UXS1: variants seen among roughly 807,000 people sequenced by gnomAD.
UXS1 encodes the protein UDP-glucuronate decarboxylase 1.
Under a neutral mutation model 62.6 loss-of-function variants are expected in UXS1, and 33 were observed. The observed-to-expected ratio is 0.53, with a 90% CI of 0.40 to 0.70. UXS1 has a LOEUF of 0.70. UXS1 is among the 30% of genes least tolerant of loss of function. The pLI is 0.00. For synonymous variants in UXS1, 213 were observed against 206.8 expected (o/e 1.03, Z -0.26); for missense variants, 434 against 556.3 (o/e 0.78, Z 2.21).
chr2:106,144,227 CA>C (rs1681375228), intron 6 of UXS1, among the ~76,000 whole-genome samples: 1 of 152,238 alleles, frequency 6.6e-6, no homozygotes, highest in South Asian at 2.1e-4. Flanking sequence ...ACAAAAACTA[CA>C]GCTTCACTCC....
intron 1 of UXS1, among the ~76,000 whole-genome samples, chr2:106,192,321 G>A (rs1279036943): frequency 3.3e-5 from 5 of 152,178 alleles, no homozygotes; most frequent in African/African-American, 4.8e-5. Flanking sequence ...TTGGGAGGCC[G>A]AGGCAGGCGG....
At chr2:106,172,594 G>A (rs1049869214) in intron 1 of UXS1, among the ~76,000 whole-genome samples, 1 of 152,164 alleles carries the variant, frequency 6.6e-6, no homozygotes, top group African/African-American at 2.4e-5. Flanking sequence ...GTGGAGCAGT[G>A]TGGATCTGAT....
chr2:106,157,796 G>A (rs914211242), intron 5 of UXS1, among the ~76,000 whole-genome samples: 1 of 152,186 alleles, frequency 6.6e-6, no homozygotes, highest in East Asian at 1.9e-4. Context: ...CAGATTCATA[G>A]AGATAGAGAG....
chr2:106,095,934 C>T (rs1321376241), intron 14 of UXS1, among the ~76,000 whole-genome samples: 1 of 152,154 alleles, frequency 6.6e-6, no homozygotes, highest in Non-Finnish European at 1.5e-5. Flanking sequence ...AGGCTCAGCC[C>T]CAGGGAGGCA....
chr2:106,139,373 T>C (rs1026641551), intron 6 of UXS1, among the ~76,000 whole-genome samples: 13 of 152,202 alleles, frequency 8.5e-5, no homozygotes, highest in Non-Finnish European at 1.5e-4. Context: ...GGTAATCTTA[T>C]GTTGGGAAGT....
chr2:106,144,271 C>A (rs1049747826), intron 6 of UXS1, among the ~76,000 whole-genome samples: 2 of 152,174 alleles, frequency 1.3e-5, no homozygotes, highest in African/African-American at 4.8e-5. Context: ...CATAATTAAA[C>A]GTTTAAAAAT....
At position 106,131,327 on chromosome 2, in the gene UXS1, G is replaced by T. The variant is rs1444929543; in HGVS notation, c.473-1549C>A. 3.9e-4 allele frequency among the ~76,000 whole-genome samples: 29 copies of T among 73,658 alleles called. 1 individual carries two copies. Among genetic ancestry groups the T allele is most frequent in the African/African-American group, 1.0e-3 (23 of 22,526 alleles). 48.3% of individuals were successfully genotyped at this position (73,658 alleles called of 152,430 possible). A position where few individuals can be genotyped will look rare whatever the true frequency, so the allele number is the denominator to read the frequency against. On this transcript the variant is annotated intron_variant, in intron 6 of 14. Coordinates refer to ENST00000283148, the MANE Select transcript of UXS1 (RefSeq NM_001253875.2). ...ACTGCAAGGCGGCAACGAGGCTGGGGGAGGGGCGGCCGCCATTGCCCAGGC... is the reference window on the plus strand; with the variant it reads ...ACTGCAAGGCGGCAACGAGGCTGGGTGAGGGGCGGCCGCCATTGCCCAGGC...
intron 1 of UXS1, among the ~76,000 whole-genome samples, chr2:106,181,059 T>C (rs1333232206): frequency 2.4e-4 from 36 of 152,138 alleles, no homozygotes; most frequent in Admixed American, 2.0e-3. Flanking sequence ...AACGAACAGA[T>C]ACATTAAAGA....
At chr2:106,145,056 T>C (rs930984575) in intron 6 of UXS1, 134 bp downstream of exon 6, 1 of 979,966 alleles carries the variant, frequency 1.0e-6, no homozygotes, top group African/African-American at 1.6e-5. Flanking sequence ...TCATACATAT[T>C]GAGACATTTC....
chr2:106,175,177 A>G (rs1683802359), intron 1 of UXS1, among the ~76,000 whole-genome samples: 2 of 152,190 alleles, frequency 1.3e-5, no homozygotes, highest in Admixed American at 6.5e-5. Context: ...ATTTAGAGAG[A>G]CATTCAAAAT....
At chr2:106,148,270 C>T (rs1231713157) in intron 5 of UXS1, among the ~76,000 whole-genome samples, 1 of 152,234 alleles carries the variant, frequency 6.6e-6, no homozygotes, top group African/African-American at 2.4e-5. Flanking sequence ...AAAGTTGACT[C>T]ACCACTAGAG....
At chr2:106,109,810 G>A (rs1678431625) in intron 10 of UXS1, among the ~76,000 whole-genome samples, 1 of 152,224 alleles carries the variant, frequency 6.6e-6, no homozygotes, top group East Asian at 1.9e-4. Context: ...AAACACGGCT[G>A]CAAGGTAAGC....
intron 9 of UXS1, among the ~76,000 whole-genome samples, chr2:106,118,482 T>G (rs975808496): frequency 2.6e-5 from 4 of 152,190 alleles, no homozygotes; most frequent in Non-Finnish European, 5.9e-5. Flanking sequence ...CACTAAGCAC[T>G]GACCGCAGCC....
chr2:106,174,004 G>A (rs2105085359), intron 1 of UXS1, among the ~76,000 whole-genome samples: 1 of 151,092 alleles, frequency 6.6e-6, no homozygotes, highest in African/African-American at 2.4e-5. Context: ...AAAGGCTGCA[G>A]TCACCTGAGT....
chr2:106,123,408 T>C (rs1186361892), intron 8 of UXS1, among the ~76,000 whole-genome samples: 1 of 152,216 alleles, frequency 6.6e-6, no homozygotes, highest in African/African-American at 2.4e-5. Flanking sequence ...AAATAGAATC[T>C]ATGTGAAGAG....
intron 1 of UXS1, chr2:106,179,526 A>G (rs2105101516): frequency 6.6e-6 from 1 of 152,344 alleles, no homozygotes; most frequent in African/African-American, 2.4e-5. Context: ...AACATTACAG[A>G]GGAAATGGAA....
intron 1 of UXS1, among the ~76,000 whole-genome samples, chr2:106,170,906 A>G (rs1367846805): frequency 2.0e-5 from 3 of 152,262 alleles, no homozygotes; most frequent in African/African-American, 7.2e-5. Context: ...ATAGCTGGGC[A>G]TTACTAACAG....
intron 1 of UXS1, among the ~76,000 whole-genome samples, chr2:106,182,798 A>C (rs1170805763): frequency 9.8e-6 from 1 of 102,230 alleles, no homozygotes; most frequent in African/African-American, 3.9e-5. Flanking sequence ...TGAGGGCTGC[A>C]TTTCAGCATC....
chr2:106,094,789 A>G (rs978518297), intron 14 of UXS1, among the ~76,000 whole-genome samples: 2 of 152,222 alleles, frequency 1.3e-5, no homozygotes, highest in African/African-American at 2.4e-5. Flanking sequence ...CAGCAGAAAG[A>G]GAAAAGGTGA....
Sources: allele counts gnomAD v4.1 joint callset (sites outside exome capture counted in the v4.1 genomes callset), GRCh38; gene constraint gnomAD v4.1.1; transcripts MANE v1.5; gene names NCBI Gene and HGNC (gene_info 2026-07-23, HGNC 2026-07-21).